LRRC49: variants seen among roughly 807,000 people sequenced by gnomAD.
LRRC49 encodes the protein leucine-rich repeat-containing protein 49.
In LRRC49, 50 loss-of-function variants were observed where a neutral mutation model predicts 83.3. The observed-to-expected ratio is 0.60, with a 90% confidence interval of 0.48 to 0.76. LRRC49 has a LOEUF of 0.76. Ranked by LOEUF, LRRC49 falls within the 30% of genes least tolerant of loss-of-function variation. LRRC49 has a pLI of 0.00. For missense variants in LRRC49, 704 were observed against 809.1 expected (o/e 0.87, Z 1.58); for synonymous variants, 286 against 283.3 (o/e 1.01, Z -0.10).
chr15:70,893,223 T>TTTTTC (rs1283682447), intron 1 of LRRC49: 2 of 571,786 alleles, frequency 3.5e-6, no homozygotes, highest in African/African-American at 3.7e-5. Flanking sequence ...AGTCAATTCC[T>TTTTTC]TTTTCTTTTC....
chr15:70,875,571 A>C (rs1035182024), intron 2 of LRRC49, among the ~76,000 whole-genome samples: 4 of 152,338 alleles, frequency 2.6e-5, no homozygotes, highest in African/African-American at 9.6e-5. Context: ...AGTGTGTTAC[A>C]AAGTCCATCC....
At chr15:70,933,770 A>G (rs191981571) in intron 7 of LRRC49, among the ~76,000 whole-genome samples, 2 of 152,356 alleles carry the variant, frequency 1.3e-5, no homozygotes, top group Admixed American at 1.3e-4. Context: ...GCAGGGGCTT[A>G]ATGAAAATGG....
intron 1 of LRRC49, among the ~76,000 whole-genome samples, chr15:70,868,310 A>G (rs562620309): frequency 1.4e-4 from 21 of 152,352 alleles, no homozygotes; most frequent in Non-Finnish European, 2.9e-4. Context: ...GTAATACGTT[A>G]TTATGACATG....
intron 5 of LRRC49, among the ~76,000 whole-genome samples, chr15:70,910,106 A>T (rs1224695837): frequency 6.6e-6 from 1 of 151,986 alleles, no homozygotes; most frequent in Non-Finnish European, 1.5e-5. Context: ...GAGACTGATG[A>T]GGAGGTGGTG....
At chr15:71,003,069 C>T (rs1224245082) in intron 11 of LRRC49, among the ~76,000 whole-genome samples, 1 of 147,218 alleles carries the variant, frequency 6.8e-6, no homozygotes, top group Non-Finnish European at 1.5e-5. Flanking sequence ...TCCCGAGTAG[C>T]TGGGATTACA....
chr15:71,015,915 G>A (rs1005697311), intron 14 of LRRC49, among the ~76,000 whole-genome samples: 11 of 152,168 alleles, frequency 7.2e-5, no homozygotes, highest in Admixed American at 3.3e-4. Context: ...TCAATAGAGC[G>A]AGACGAATTA....
chr15:70,913,966 T>C (rs2034654738), intron 6 of LRRC49, among the ~76,000 whole-genome samples: 1 of 152,080 alleles, frequency 6.6e-6, no homozygotes, highest in Admixed American at 6.5e-5. Context: ...ACCTGTGTTA[T>C]ATATTTTATA....
At chr15:70,909,235 C>A (rs866894668) in intron 5 of LRRC49, among the ~76,000 whole-genome samples, 6 of 152,030 alleles carry the variant, frequency 3.9e-5, no homozygotes, top group African/African-American at 1.5e-4. Context: ...AATCACAGGC[C>A]AGCATTTTAA....
intron 7 of LRRC49, among the ~76,000 whole-genome samples, chr15:70,935,339 G>A (rs2035557762): frequency 6.6e-6 from 1 of 152,140 alleles, no homozygotes; most frequent in Non-Finnish European, 1.5e-5. Flanking sequence ...ATAGTACATA[G>A]GGTAGGTAGA....
intron 7 of LRRC49, among the ~76,000 whole-genome samples, chr15:70,927,064 A>G (rs981438377): frequency 2.0e-5 from 3 of 152,208 alleles, no homozygotes; most frequent in African/African-American, 7.2e-5. Context: ...AATGGCGATC[A>G]TTAAATAGTC....
intron 13 of LRRC49, among the ~76,000 whole-genome samples, chr15:71,012,392 A>G (rs1186901154): frequency 6.6e-6 from 1 of 151,934 alleles, no homozygotes; most frequent in Non-Finnish European, 1.5e-5. Context: ...AGGTATGACC[A>G]ACACCTTGGC....
At chr15:70,854,909 G>A (rs2032613476) in intron 1 of LRRC49, among the ~76,000 whole-genome samples, 1 of 152,206 alleles carries the variant, frequency 6.6e-6, no homozygotes, top group Admixed American at 6.5e-5. Flanking sequence ...GATGTTTGTT[G>A]AATGAATAAA....
At chr15:70,936,177 A>T (rs543382338) in intron 7 of LRRC49, among the ~76,000 whole-genome samples, 2 of 152,080 alleles carry the variant, frequency 1.3e-5, no homozygotes, top group Non-Finnish European at 2.9e-5. Flanking sequence ...AGAACCTCTG[A>T]TATGAGCTTA....
intron 14 of LRRC49, among the ~76,000 whole-genome samples, chr15:71,021,929 G>C (rs2039007230): frequency 6.6e-6 from 1 of 152,140 alleles, no homozygotes; most frequent in South Asian, 2.1e-4. Flanking sequence ...TCAGATAACA[G>C]AGCAACACTT....
At chr15:70,898,876 ATATACCCACATATATATGTGGATATTTG>A (rs534311567) in intron 3 of LRRC49, among the ~76,000 whole-genome samples, 24 of 152,248 alleles carry the variant, frequency 1.6e-4, no homozygotes, top group Middle Eastern at 3.4e-3. Flanking sequence ...GTGGGTATTT[ATATACCCACATATATATGTGGATATTTG>A]TATACCCACA....
intron 8 of LRRC49, among the ~76,000 whole-genome samples, chr15:70,941,668 G>A (rs895205838): frequency 4.6e-5 from 7 of 151,976 alleles, no homozygotes; most frequent in Non-Finnish European, 1.0e-4. Flanking sequence ...TTATTACATA[G>A]CTTCTTTTAT....
chr15:70,949,537 A>G (rs575492640), intron 8 of LRRC49, among the ~76,000 whole-genome samples: 4 of 152,202 alleles, frequency 2.6e-5, no homozygotes, highest in African/African-American at 9.6e-5. Context: ...TTCCCTCCAT[A>G]TCTTTATGGG....
chr15:70,928,518 G>C (rs2035292319), intron 7 of LRRC49, among the ~76,000 whole-genome samples: 1 of 151,796 alleles, frequency 6.6e-6, no homozygotes, highest in African/African-American at 2.4e-5. Flanking sequence ...TAAATCTGCA[G>C]ATTCATAACT....
chr15:70,992,748 C>T (rs1037599688), intron 11 of LRRC49, among the ~76,000 whole-genome samples: 8 of 152,210 alleles, frequency 5.3e-5, no homozygotes, highest in African/African-American at 1.9e-4. Flanking sequence ...CTGGAGGTTT[C>T]GTCTCAGAGG....
Sources: allele counts gnomAD v4.1 joint callset (sites outside exome capture counted in the v4.1 genomes callset), GRCh38; gene constraint gnomAD v4.1.1; transcripts MANE v1.5; gene names NCBI Gene and HGNC (gene_info 2026-07-23, HGNC 2026-07-21).